Variants in EXOC4 observed in about 807,000 individuals in gnomAD.
EXOC4 encodes the protein SEC8-like 1.
Under a neutral mutation model 107.2 loss-of-function variants are expected in EXOC4, and 71 were observed. That is an observed-to-expected ratio of 0.66 (90% CI 0.55 to 0.81). The LOEUF is 0.81. Ranked by LOEUF, EXOC4 falls within the 30% of genes least tolerant of loss-of-function variation. EXOC4 has a pLI of 0.00. For missense variants in EXOC4, 1,108 were observed against 1,189.6 expected, an observed-to-expected ratio of 0.93 and a Z score of 1.01; for synonymous variants, 456 against 441.2, an observed-to-expected ratio of 1.03 and a Z score of -0.42.
intron 17 of EXOC4, among the ~76,000 whole-genome samples, chr7:134,059,971 G>C (rs1328121688): frequency 6.6e-6 from 1 of 152,078 alleles, no homozygotes; most frequent in Non-Finnish European, 1.5e-5. Flanking sequence ...AATGTTTTCA[G>C]ACAGAATGTA....
chr7:133,625,417 G>C (rs1314079299), intron 9 of EXOC4, among the ~76,000 whole-genome samples: 1 of 152,178 alleles, frequency 6.6e-6, no homozygotes, highest in Non-Finnish European at 1.5e-5. Flanking sequence ...ATGAATAGTG[G>C]TCTGATGTTT....
In EXOC4 at chr7:133,684,693, C is replaced by CCTT. The variant is rs1316199071; in HGVS notation, c.1514+54556_1514+54558dup. Among the ~76,000 whole-genome samples the CCTT allele has an allele frequency of 1.4e-4, 22 of 152,068 alleles. 1 individual carries two copies. The highest frequency in any genetic ancestry group is 4.8e-4 in the African/African-American group (20 of 41,392). ...CTTCTTTTTAAAAAAGTATTGTTGA[C>CCTT]CTTCTTTAGAGAGTAAGCGGTCTCC... is the stretch of plus-strand genomic sequence containing the variant. On this transcript the variant is annotated intron_variant, in intron 10 of 17. Transcript: ENST00000253861.
chr7:133,911,971 A>G (rs906949982), intron 12 of EXOC4, among the ~76,000 whole-genome samples: 1 of 152,176 alleles, frequency 6.6e-6, no homozygotes, highest in Non-Finnish European at 1.5e-5. Context: ...CCCACAGCCA[A>G]GATTCTTTCT....
chr7:133,502,903 T>G (rs1799600192), intron 9 of EXOC4, among the ~76,000 whole-genome samples: 1 of 152,194 alleles, frequency 6.6e-6, no homozygotes, highest in African/African-American at 2.4e-5. Context: ...TCTTCTTTAT[T>G]CAGTAGATTC....
chr7:134,019,068 T>A (rs1794971139), intron 17 of EXOC4, among the ~76,000 whole-genome samples: 1 of 152,118 alleles, frequency 6.6e-6, no homozygotes. Context: ...TAGCTGGGAT[T>A]AAAGGCACGC....
chr7:133,304,979 G>A (rs1794719362), intron 3 of EXOC4, among the ~76,000 whole-genome samples: 1 of 151,506 alleles, frequency 6.6e-6, no homozygotes, highest in Admixed American at 6.6e-5. Context: ...TGCTCTTTAA[G>A]TTTTCTTTGA....
At chr7:133,704,017 T>C (rs1322324370) in intron 10 of EXOC4, among the ~76,000 whole-genome samples, 1 of 152,244 alleles carries the variant, frequency 6.6e-6, no homozygotes, top group Non-Finnish European at 1.5e-5. Flanking sequence ...TTCATCTTGA[T>C]AGAGCTTTGC....
At chr7:133,398,937 A>T (rs1797030268) in intron 7 of EXOC4, among the ~76,000 whole-genome samples, 1 of 152,216 alleles carries the variant, frequency 6.6e-6, no homozygotes, top group South Asian at 2.1e-4. Flanking sequence ...TAAAGGTTAA[A>T]ATATAGATAA....
At chr7:133,273,017 A>G (rs1375188804) in intron 1 of EXOC4, among the ~76,000 whole-genome samples, 1 of 152,204 alleles carries the variant, frequency 6.6e-6, no homozygotes, top group African/African-American at 2.4e-5. Flanking sequence ...AAAGATGGCA[A>G]ACCGATCTAG....
intron 2 of EXOC4, 21 bp from the exon 3 acceptor site, chr7:133,288,901 A>G (rs1488615359): frequency 6.2e-7 from 1 of 1,611,502 alleles, no homozygotes; most frequent in East Asian, 2.2e-5. Context: ...CTGACCCAAG[A>G]CCGAATCTGT....
At chr7:133,624,099 A>G (rs1241071124) in intron 9 of EXOC4, among the ~76,000 whole-genome samples, 11 of 152,192 alleles carry the variant, frequency 7.2e-5, no homozygotes, top group Admixed American at 6.5e-4. Flanking sequence ...AATATTTGCT[A>G]TAAAAGAATT....
Position 133,335,197 on chromosome 7 carries a change from A to T in EXOC4, c.763+17807A>T, listed in dbSNP as rs11767986. Among the ~76,000 whole-genome samples the T allele has an allele frequency of 5.3e-4, 81 of 152,136 alleles. 2 individuals carry two copies. In the East Asian group the frequency reaches 0.011, roughly 21 times the overall value. ...GGATCTTTTTGTTTATAGCTTAAAAATTTTTTTTAATGTTTTAAAAAACTC... is the reference window on the plus strand; with the variant it reads ...GGATCTTTTTGTTTATAGCTTAAAATTTTTTTTTAATGTTTTAAAAAACTC... On this transcript the variant is annotated intron_variant, in intron 5 of 17. Coordinates refer to ENST00000253861, the MANE Select transcript of EXOC4 (RefSeq NM_021807.4).
chr7:133,398,739 C>T (rs1310727542), intron 7 of EXOC4, among the ~76,000 whole-genome samples: 3 of 152,062 alleles, frequency 2.0e-5, no homozygotes, highest in African/African-American at 7.2e-5. Flanking sequence ...TTTCTAGGGA[C>T]GAAAGAGAAC....
intron 11 of EXOC4, among the ~76,000 whole-genome samples, chr7:133,830,452 T>C (rs1398980013): frequency 6.6e-6 from 1 of 152,220 alleles, no homozygotes; most frequent in East Asian, 1.9e-4. Context: ...AAAAGAAATC[T>C]TCAACACATA....
chr7:133,630,986 ATC>A (rs1261359521), intron 10 of EXOC4, among the ~76,000 whole-genome samples: 1 of 152,148 alleles, frequency 6.6e-6, no homozygotes, highest in Non-Finnish European at 1.5e-5. Flanking sequence ...AGTTCTAGAG[ATC>A]TGTTACATAA....
chr7:133,694,259 CAAAAAAAAAA>C (rs10591090), intron 10 of EXOC4, among the ~76,000 whole-genome samples: 6 of 120,180 alleles, frequency 5.0e-5, no homozygotes, highest in Admixed American at 2.5e-4. Context: ...GATTCCTTCT[CAAAAAAAAAA>C]AAAAAAAAAA....
Position 133,886,244 on chromosome 7 carries a change from A to G in EXOC4, c.1735-9355A>G, listed in dbSNP as rs145260803. 1.9e-3 allele frequency among the ~76,000 whole-genome samples: 296 copies of G among 152,374 alleles called. 2 individuals are homozygous for G. Among genetic ancestry groups the G allele is most frequent in the African/African-American group, 6.7e-3 (279 of 41,586 alleles). On this transcript the variant is annotated intron_variant, in intron 11 of 17. Transcript: ENST00000253861. ...ATATTAAAGGTTTCTGAAGTCCTCCAGTAAAAACACCACTTCGGTTTTCTT... is the reference window on the plus strand; with the variant it reads ...ATATTAAAGGTTTCTGAAGTCCTCCGGTAAAAACACCACTTCGGTTTTCTT...
chr7:134,005,926 A>G (rs1406310628), intron 16 of EXOC4, among the ~76,000 whole-genome samples: 2 of 152,202 alleles, frequency 1.3e-5, no homozygotes, highest in Non-Finnish European at 2.9e-5. Flanking sequence ...TTAAATGTAT[A>G]TGGAGTTATA....
chr7:133,324,809 G>A (rs560235947), intron 5 of EXOC4, among the ~76,000 whole-genome samples: 6 of 152,276 alleles, frequency 3.9e-5, no homozygotes, highest in Non-Finnish European at 7.4e-5. Flanking sequence ...TGACAGTGGG[G>A]TGTTAAAGTC....
Sources: gnomAD v4.1 joint callset for allele counts (sites outside exome capture counted in the v4.1 genomes callset) on GRCh38, gnomAD v4.1.1 for gene constraint, MANE v1.5 for transcripts, NCBI Gene and HGNC (gene_info 2026-07-23, HGNC 2026-07-21) for gene names.